ARIH1: variants seen among roughly 807,000 people sequenced by gnomAD.
ARIH1 encodes ariadne RBR E3 ubiquitin protein ligase 1.
ARIH1 carries 8 observed loss-of-function variants against 85.0 expected under a neutral mutation model. That is an observed-to-expected ratio of 0.09 (90% CI 0.06 to 0.17). The LOEUF (loss-of-function observed/expected upper bound fraction) is 0.17. Ranked by LOEUF, ARIH1 falls within the 10% of genes least tolerant of loss-of-function variation. ARIH1 has a pLI of 1.00. For synonymous variants in ARIH1, 238 were observed against 253.6 expected (o/e 0.94, Z 0.59); for missense variants, 311 against 718.1 (o/e 0.43, Z 6.48).
At chr15:72,569,271 G>A (rs752470949) in intron 9 of ARIH1, among the ~76,000 whole-genome samples, 10 of 152,278 alleles carry the variant, frequency 6.6e-5, no homozygotes, top group Middle Eastern at 6.8e-3. Context: ...TTGCACTGCT[G>A]CACTCCAGCC....
intron 11 of ARIH1, among the ~76,000 whole-genome samples, chr15:72,573,033 C>A (rs963540171): frequency 6.6e-6 from 1 of 152,194 alleles, no homozygotes; most frequent in Non-Finnish European, 1.5e-5. Flanking sequence ...ATAGTTCCTA[C>A]ATTCACCCAT....
At chr15:72,504,755 G>C (rs2063917830) in intron 1 of ARIH1, among the ~76,000 whole-genome samples, 1 of 152,132 alleles carries the variant, frequency 6.6e-6, no homozygotes, top group African/African-American at 2.4e-5. Flanking sequence ...CAGGCTTTTT[G>C]GTTTGAAGTT....
At position 72,597,053 on chromosome 15, in the gene ARIH1, T is replaced by C. The variant is rs1009108659; in HGVS notation, c.*13761T>C. The C allele has an allele frequency of 5.9e-5, 9 of 152,130 alleles. No individual in the cohort carries two copies. The highest frequency in any genetic ancestry group is 1.3e-4 in the Admixed American group (2 of 15,266). 9.4% of individuals were successfully genotyped at this position (152,130 alleles called of 1,614,324 possible). ...AGCCCTTCCTCTCCCTTACCATGAA[T>C]CTTATTTTCTTGCTTTTGCACGTCT... On this transcript the variant is annotated 3_prime_UTR_variant, in exon 14 of 14. Coordinates refer to ENST00000379887, the MANE Select transcript of ARIH1 (RefSeq NM_005744.5).
At chr15:72,572,078 C>A (rs768245856) in intron 10 of ARIH1, 30 bp from the exon 11 acceptor site, 3 of 1,262,550 alleles carry the variant, frequency 2.4e-6, no homozygotes, top group Non-Finnish European at 3.2e-6. Context: ...TTTTTTTTTT[C>A]TTTATGGAAT....
At position 72,598,566 on chromosome 15, in the gene ARIH1, T is replaced by C. The variant is rs2064371150; in HGVS notation, c.*15274T>C. On this transcript the variant is annotated 3_prime_UTR_variant, in exon 14 of 14. Coordinates refer to ENST00000379887, the MANE Select transcript of ARIH1 (RefSeq NM_005744.5). ...CCAACTCTACTAAAAATACTAAAAT[T>C]AGCCAGGTGTGGTGGTGGGCGCCTG... 6.6e-6 allele frequency: 1 copy of C among 151,606 alleles called. No homozygotes were observed. Among genetic ancestry groups the C allele is most frequent in the Non-Finnish European group, 1.5e-5 (1 of 67,920 alleles). 9.4% of individuals were successfully genotyped at this position (151,606 alleles called of 1,614,324 possible). A position where few individuals can be genotyped will look rare whatever the true frequency, so the allele number is the denominator to read the frequency against.
In ARIH1 at chr15:72,587,095, C is replaced by T; in HGVS notation, c.*3803C>T. 2.4e-6 allele frequency: 1 copy of T among 420,868 alleles called. No individual in the cohort carries two copies. The highest frequency in any genetic ancestry group is 4.6e-6 in the Non-Finnish European group (1 of 216,142). The allele number at this position is 420,868 out of a possible 1,614,324, so 26.1% of individuals were successfully genotyped here. On this transcript the variant is annotated 3_prime_UTR_variant, in exon 14 of 14. Coordinates refer to ENST00000379887, the MANE Select transcript of ARIH1 (RefSeq NM_005744.5). ...ATGGGAGTTTATCACTTTTCCTCTT[C>T]AAAGCACTTCAACTTACTGTCTAAA...
chr15:72,528,394 T>G (rs2064039682), intron 2 of ARIH1, among the ~76,000 whole-genome samples: 1 of 152,238 alleles, frequency 6.6e-6, no homozygotes, highest in African/African-American at 2.4e-5. Flanking sequence ...GTGTTAATAC[T>G]TGGATGTGAT....
chr15:72,486,113 T>C (rs970548668), intron 1 of ARIH1, among the ~76,000 whole-genome samples: 12 of 152,350 alleles, frequency 7.9e-5, no homozygotes, highest in African/African-American at 1.2e-4. Context: ...AATTTTTTTT[T>C]CCCTAAATTG....
chr15:72,485,328 A>G lies in ARIH1; in HGVS notation c.375+10314A>G, dbSNP rs150583762. Reference sequence around the variant, plus strand: ...AGGCAGGCCCTACCCCATACCAAGTAAGTGGGTCTCTGGGGGGTTTGGACC... The same window carrying G: ...AGGCAGGCCCTACCCCATACCAAGTGAGTGGGTCTCTGGGGGGTTTGGACC... On this transcript the variant is annotated intron_variant, in intron 1 of 13. Coordinates refer to ENST00000379887, the MANE Select transcript of ARIH1 (RefSeq NM_005744.5). 6.3e-3 allele frequency among the ~76,000 whole-genome samples: 957 copies of G among 152,280 alleles called. 8 individuals carry two copies. The highest frequency in any genetic ancestry group is 0.011 in the Non-Finnish European group (728 of 68,008).
At chr15:72,517,542 A>AGCCT (rs1238366625) in intron 1 of ARIH1, among the ~76,000 whole-genome samples, 1 of 151,930 alleles carries the variant, frequency 6.6e-6, no homozygotes, top group African/African-American at 2.4e-5. Context: ...CTCGTGCCTC[A>AGCCT]GCCTCCCAAG....
In ARIH1 at chr15:72,586,478, C is replaced by G. The variant is rs2064317496; in HGVS notation, c.*3186C>G. 6.6e-6 allele frequency: 1 copy of G among 152,184 alleles called. No individual in the cohort carries two copies. The highest frequency in any genetic ancestry group is 6.6e-5 in the Admixed American group (1 of 15,264). 9.4% of individuals were successfully genotyped at this position (152,184 alleles called of 1,614,324 possible). ...TGTGGAAATAACTGTTCTTAGATTT[C>G]ATTGTAACTGGACTGTTCAGGTTGC... On this transcript the variant is annotated 3_prime_UTR_variant, in exon 14 of 14. Transcript: ENST00000379887.
intron 10 of ARIH1, 117 bp from the exon 11 acceptor site, chr15:72,571,991 A>G: frequency 1.4e-6 from 1 of 698,846 alleles, no homozygotes. Context: ...TTTCTCTGTT[A>G]TAAAAGATAA....
chr15:72,533,223 A>AT (rs2064065887), intron 2 of ARIH1, among the ~76,000 whole-genome samples: 2 of 152,086 alleles, frequency 1.3e-5, no homozygotes, highest in African/African-American at 4.8e-5. Context: ...CCTACCTGCC[A>AT]GGTTCAAGCA....
At chr15:72,568,792 AATT>A (rs1212750477) in intron 9 of ARIH1, among the ~76,000 whole-genome samples, 1 of 152,184 alleles carries the variant, frequency 6.6e-6, no homozygotes, top group Non-Finnish European at 1.5e-5. Flanking sequence ...TGATTTCAAA[AATT>A]TGATTTGAAA....
chr15:72,522,958 A>G (rs916246424), intron 2 of ARIH1, among the ~76,000 whole-genome samples: 3 of 152,222 alleles, frequency 2.0e-5, no homozygotes, highest in East Asian at 1.9e-4. Context: ...GTACATACCT[A>G]TTAGAATGGC....
intron 3 of ARIH1, among the ~76,000 whole-genome samples, chr15:72,548,726 T>C (rs1190540270): frequency 1.3e-5 from 2 of 152,238 alleles, no homozygotes; most frequent in Non-Finnish European, 1.5e-5. Context: ...AGTTTTATTA[T>C]TGGATGAGTG....
rs1297238945 is a variant in ARIH1, at chr15:72,474,898, G to C, written c.259G>C (p.Gly87Arg). 1 of 1,445,578 alleles carries C rather than the reference G, an allele frequency of 6.9e-7. No individual in the cohort carries two copies. Among genetic ancestry groups the C allele is most frequent in the African/African-American group, 1.5e-5 (1 of 68,110 alleles). The allele number at this position is 1,445,578 out of a possible 1,614,324, so 89.5% of individuals were successfully genotyped here. A position where few individuals can be genotyped will look rare whatever the true frequency, so the allele number is the denominator to read the frequency against. The change falls in exon 1 of 14, where the codon GGT (glycine) becomes CGT (arginine). Residue 87 changes from glycine (G) to arginine (R), a missense_variant. Gly to Arg is a moderately radical substitution (Grantham distance 125). This residue lies in a region of ARIH1 where 157 missense variants were observed against 185.1 expected (regional missense o/e 0.85). Transcript: ENST00000379887. ...GGGGGGGGGG[G>R]GGGPGHEQEE... ...TGGCGGCGGCGGCGGCGGCGGCGGT[G>C]GTGGTGGCGGGCCGGGGCATGAGCA...
rs2064372305 is a variant in ARIH1 at position 72,598,833 on chromosome 15, T to C, written c.*15541T>C. ...TCTGGGCTCAAGTGATCCTCTTGCC[T>C]CAGCCTCTTGAGTAGCTGGGACCAC... On this transcript the variant is annotated 3_prime_UTR_variant, in exon 14 of 14. Coordinates refer to ENST00000379887, the MANE Select transcript of ARIH1 (RefSeq NM_005744.5). 6.6e-6 allele frequency: 1 copy of C among 151,380 alleles called. No individual in the cohort carries two copies. Among genetic ancestry groups the C allele is most frequent in the Non-Finnish European group, 1.5e-5 (1 of 68,004 alleles). 9.4% of individuals were successfully genotyped at this position (151,380 alleles called of 1,614,324 possible).
At chr15:72,504,374 C>G (rs1350775667) in intron 1 of ARIH1, among the ~76,000 whole-genome samples, 1 of 152,060 alleles carries the variant, frequency 6.6e-6, no homozygotes, top group Non-Finnish European at 1.5e-5. Flanking sequence ...TTTTGGGTAC[C>G]TGCACTTGGT....
Sources: gnomAD v4.1 joint callset for allele counts (sites outside exome capture counted in the v4.1 genomes callset) on GRCh38, gnomAD v4.1.1 for gene constraint, gnomAD v4.1.1 regional missense constraint, MANE v1.5 for transcripts, NCBI Gene and HGNC (gene_info 2026-07-23, HGNC 2026-07-21) for gene names.